The following CASK variants were observed in gnomAD, a reference collection of about 807,000 sequenced individuals.
The protein encoded by CASK is calcium/calmodulin dependent serine protein kinase, also known as peripheral plasma membrane protein CASK.
Under a neutral mutation model 82.9 loss-of-function variants are expected in CASK, and 4 were observed. That is an observed-to-expected ratio of 0.05 (90% CI 0.02 to 0.11). The LOEUF is 0.11. CASK is among the 10% of genes least tolerant of loss of function. The pLI, the probability that CASK is intolerant of heterozygous loss-of-function variation, is 1.00. For missense variants in CASK, 358 were observed against 720.9 expected, an observed-to-expected ratio of 0.50 and a Z score of 5.76; for synonymous variants, 259 against 253.5, an observed-to-expected ratio of 1.02 and a Z score of -0.20.
intron 2 of CASK, among the ~76,000 whole-genome samples, chrX:41,810,572 C>T (rs1331430975): frequency 9.0e-6 from 1 of 111,287 alleles, no homozygotes. Flanking sequence ...CCTACAAGAG[C>T]TCCTGAAGGA....
In CASK at chrX:41,515,689, A is replaced by G; in HGVS notation, c.*4731T>C. On this transcript the variant is annotated 3_prime_UTR_variant, in exon 27 of 27. Coordinates refer to ENST00000378163, the MANE Select transcript of CASK (RefSeq NM_001367721.1). Reference sequence around the variant, plus strand: ...CCCCAATTCTTGGTCTCTTCCAAATAAAAAAAAAATAGGGGGAGCCACTCA... The same window carrying G: ...CCCCAATTCTTGGTCTCTTCCAAATGAAAAAAAAATAGGGGGAGCCACTCA... The G allele has an allele frequency of 9.3e-6, 1 of 107,268 alleles. No homozygotes were observed. Among genetic ancestry groups the G allele is most frequent in the Non-Finnish European group, 1.9e-5 (1 of 51,331 alleles). 8.8% of individuals were successfully genotyped at this position (107,268 alleles called of 1,213,427 possible).
intron 2 of CASK, among the ~76,000 whole-genome samples, chrX:41,838,862 G>T (rs757780020): frequency 1.8e-5 from 2 of 111,089 alleles, no homozygotes; most frequent in Non-Finnish European, 3.8e-5. Context: ...TTCATTTTTG[G>T]CCTATGGATG....
At chrX:41,536,344 GTGATTCACTGGCCT>G (rs1431431750) in intron 22 of CASK, among the ~76,000 whole-genome samples, 1 of 111,095 alleles carries the variant, frequency 9.0e-6, no homozygotes, top group Middle Eastern at 4.2e-3. Flanking sequence ...CTGACCTCAG[GTGATTCACTGGCCT>G]TGGCCTCCCG....
chrX:41,808,169 G>A lies in CASK; in HGVS notation c.173-20886C>T, dbSNP rs184111040. ...CGTGCCAGGCCAATCACCTCTTAAA[G>A]GATCCAGCACCCAATACTGTTACAA... On this transcript the variant is annotated intron_variant, in intron 2 of 26. Transcript: ENST00000378163. Among the ~76,000 whole-genome samples the A allele has an allele frequency of 3.6e-5, 4 of 111,895 alleles. No homozygotes were observed. The East Asian group carries it at 1.1e-3, about 31-fold the overall frequency.
chrX:41,828,721 T>C (rs766712849), intron 2 of CASK, among the ~76,000 whole-genome samples: 2 of 111,947 alleles, frequency 1.8e-5, no homozygotes, highest in Admixed American at 1.9e-4. Context: ...CCAGTTCAAA[T>C]AGACTAGTGG....
intron 8 of CASK, among the ~76,000 whole-genome samples, chrX:41,653,002 CTG>C (rs1305106974): frequency 8.9e-6 from 1 of 111,932 alleles, no homozygotes; most frequent in Admixed American, 9.4e-5. Flanking sequence ...AGCCCTCAAA[CTG>C]TGGGATGTGA....
At chrX:41,675,857 T>C (rs2067257657) in intron 5 of CASK, 1 of 1,203,071 alleles carries the variant, frequency 8.3e-7, no homozygotes, top group African/African-American at 1.7e-5. Context: ...TAGCATGCTG[T>C]CTTTGTATGA....
At chrX:41,791,500 A>T (rs2069718173) in intron 2 of CASK, among the ~76,000 whole-genome samples, 2 of 110,433 alleles carry the variant, frequency 1.8e-5, no homozygotes, top group Admixed American at 1.9e-4. Flanking sequence ...AGGCAGGTGG[A>T]TCACCTGAGG....
intron 16 of CASK, 30 bp from the exon 17 acceptor site, chrX:41,561,674 A>G (rs1186872795): frequency 1.0e-6 from 1 of 1,001,484 alleles, no homozygotes; most frequent in Admixed American, 2.2e-5. Flanking sequence ...TATAAACATG[A>G]AATGATATAT....
intron 15 of CASK, among the ~76,000 whole-genome samples, chrX:41,570,282 T>C (rs1407803138): frequency 9.0e-6 from 1 of 111,597 alleles, no homozygotes; most frequent in Non-Finnish European, 1.9e-5. Context: ...CCTCCCAAAG[T>C]GCTGGCATTA....
At chrX:41,727,175 C>T (rs985262293) in intron 5 of CASK, 3 of 1,206,848 alleles carry the variant, frequency 2.5e-6, no homozygotes, top group Non-Finnish European at 3.4e-6. Context: ...AAAACATCAA[C>T]GCACATCTAC....
intron 8 of CASK, among the ~76,000 whole-genome samples, chrX:41,653,553 G>C (rs1388960655): frequency 8.9e-6 from 1 of 111,801 alleles, no homozygotes; most frequent in Non-Finnish European, 1.9e-5. Context: ...CAGTCTATCT[G>C]AGCCCAGGCC....
chrX:41,572,958 T>C (rs1455111687), intron 15 of CASK, among the ~76,000 whole-genome samples: 2 of 110,827 alleles, frequency 1.8e-5, no homozygotes, highest in African/African-American at 6.5e-5. Flanking sequence ...TTTAGAATTC[T>C]AAGTTGAGAA....
chrX:41,710,727 C>T (rs951957948), intron 5 of CASK, among the ~76,000 whole-genome samples: 1 of 112,228 alleles, frequency 8.9e-6, no homozygotes, highest in Non-Finnish European at 1.9e-5. Flanking sequence ...CCTTGAAAGA[C>T]TAGGCAGGAT....
chrX:41,655,585 C>T (rs762175413), intron 8 of CASK, among the ~76,000 whole-genome samples: 3 of 111,271 alleles, frequency 2.7e-5, no homozygotes, highest in African/African-American at 6.5e-5. Context: ...ACATCCTCTC[C>T]GGGAAGTGCA....
intron 5 of CASK, among the ~76,000 whole-genome samples, chrX:41,716,832 G>A (rs1359672200): frequency 9.0e-6 from 1 of 111,704 alleles, no homozygotes; most frequent in African/African-American, 3.3e-5. Flanking sequence ...TGTGCCTATG[G>A]AACCTTACTC....
chrX:41,747,160 A>T (rs1197208717), intron 3 of CASK, among the ~76,000 whole-genome samples: 1 of 111,699 alleles, frequency 9.0e-6, no homozygotes, highest in Non-Finnish European at 1.9e-5. Context: ...ATACTTTCAC[A>T]TTTATACAGG....
intron 3 of CASK, among the ~76,000 whole-genome samples, chrX:41,774,335 C>T (rs1199356802): frequency 9.0e-6 from 1 of 111,422 alleles, no homozygotes; most frequent in African/African-American, 3.3e-5. Context: ...CTCCCATTCA[C>T]AATTGCTTCA....
chrX:41,570,529 G>A (rs888657374), intron 15 of CASK, among the ~76,000 whole-genome samples: 2 of 111,050 alleles, frequency 1.8e-5, no homozygotes, highest in African/African-American at 6.6e-5. Flanking sequence ...CCTCATGCTC[G>A]TTGGTAATAT....
Sources: gnomAD v4.1 joint callset for allele counts (sites outside exome capture counted in the v4.1 genomes callset) on GRCh38, gnomAD v4.1.1 for gene constraint, MANE v1.5 for transcripts, NCBI Gene and HGNC (gene_info 2026-07-23, HGNC 2026-07-21) for gene names.